Variants in RNF130 observed in about 807,000 individuals in gnomAD.
The protein encoded by RNF130 is ring finger protein 130, also known as E3 ubiquitin-protein ligase RNF130.
In RNF130, 21 loss-of-function variants were observed where a neutral mutation model predicts 44.6. The observed-to-expected ratio is 0.47, with a 90% CI of 0.33 to 0.68. The LOEUF (loss-of-function observed/expected upper bound fraction) is 0.68. RNF130 is among the 30% of genes least tolerant of loss of function. The pLI, the probability that RNF130 is intolerant of heterozygous loss-of-function variation, is 0.02. For missense variants in RNF130, 479 were observed against 560.6 expected (o/e 0.85, Z 1.47); for synonymous variants, 214 against 210.4 (o/e 1.02, Z -0.15).
intron 1 of RNF130, among the ~76,000 whole-genome samples, chr5:180,049,965 C>T (rs1764651512): frequency 6.6e-6 from 1 of 152,070 alleles, no homozygotes. Context: ...TAATCAGTAC[C>T]TCTATTCTCC....
chr5:179,988,847 G>A (rs182536158), intron 3 of RNF130, among the ~76,000 whole-genome samples: 383 of 152,310 alleles, frequency 2.5e-3, no homozygotes, highest in Non-Finnish European at 4.2e-3. Context: ...AGGAAAATGT[G>A]TATTCTGCAG....
chr5:180,056,914 A>G (rs1764837889), intron 1 of RNF130, among the ~76,000 whole-genome samples: 2 of 152,360 alleles, frequency 1.3e-5, no homozygotes, highest in South Asian at 4.1e-4. Context: ...ACTAGTCACA[A>G]GAAGGCATAC....
At chr5:179,998,449 T>A (rs1763251001) in intron 3 of RNF130, among the ~76,000 whole-genome samples, 1 of 152,176 alleles carries the variant, frequency 6.6e-6, no homozygotes, top group African/African-American at 2.4e-5. Context: ...ATCCTTTGTA[T>A]GATTTTAATT....
At chr5:180,008,008 T>TTA (rs397932692) in intron 3 of RNF130, among the ~76,000 whole-genome samples, 1 of 149,966 alleles carries the variant, frequency 6.7e-6, no homozygotes, top group Non-Finnish European at 1.5e-5. Flanking sequence ...TTTTTTTTTT[T>TTA]AACAGGTATA....
intron 6 of RNF130, among the ~76,000 whole-genome samples, chr5:179,967,249 T>A (rs74521660): frequency 2.6e-5 from 4 of 152,144 alleles, no homozygotes; most frequent in African/African-American, 7.2e-5. Context: ...CTAAAATTCA[T>A]TGCAGATCAG....
At chr5:179,949,061 G>C (rs1380074589) in intron 7 of RNF130, among the ~76,000 whole-genome samples, 1 of 151,516 alleles carries the variant, frequency 6.6e-6, no homozygotes, top group Non-Finnish European at 1.5e-5. Flanking sequence ...TGCCTCCCGG[G>C]TTCAAGGGAT....
chr5:180,016,112 T>C (rs1025032815), intron 2 of RNF130, among the ~76,000 whole-genome samples: 3 of 150,656 alleles, frequency 2.0e-5, no homozygotes, highest in African/African-American at 7.3e-5. Flanking sequence ...ACCCTGCCGA[T>C]CGGGCAGGAG....
chr5:179,999,376 T>C (rs1582176223), intron 3 of RNF130, among the ~76,000 whole-genome samples: 1 of 152,146 alleles, frequency 6.6e-6, no homozygotes, highest in African/African-American at 2.4e-5. Context: ...TCCCTTTGCA[T>C]GGAATATCTT....
At chr5:180,003,634 T>A (rs1763396914) in intron 3 of RNF130, among the ~76,000 whole-genome samples, 1 of 152,216 alleles carries the variant, frequency 6.6e-6, no homozygotes, top group Non-Finnish European at 1.5e-5. Context: ...GGTATAAGTG[T>A]CTATGTATGT....
intron 3 of RNF130, among the ~76,000 whole-genome samples, chr5:180,003,281 C>T (rs932268383): frequency 5.9e-5 from 9 of 151,972 alleles, no homozygotes; most frequent in Non-Finnish European, 1.2e-4. Context: ...CGTGTGAGAG[C>T]GCCTGCCATC....
chr5:179,929,049 G>A (rs1582124910), intron 7 of RNF130, among the ~76,000 whole-genome samples: 1 of 152,128 alleles, frequency 6.6e-6, no homozygotes, highest in African/African-American at 2.4e-5. Context: ...CCTATCTGAA[G>A]GTTTTGATGA....
chr5:180,069,463 T>C (rs1765195377), intron 1 of RNF130, among the ~76,000 whole-genome samples: 1 of 146,506 alleles, frequency 6.8e-6, no homozygotes, highest in African/African-American at 2.5e-5. Context: ...GGACACAGAA[T>C]GACCCCTAGG....
At chr5:180,051,927 C>T (rs1764695782) in intron 1 of RNF130, among the ~76,000 whole-genome samples, 1 of 152,184 alleles carries the variant, frequency 6.6e-6, no homozygotes, top group Non-Finnish European at 1.5e-5. Context: ...AAAATTAGAG[C>T]TTGGTCCTCA....
chr5:179,951,175 G>T (rs1217777284), downstream of RNF130, among the ~76,000 whole-genome samples: 1 of 152,092 alleles, frequency 6.6e-6, no homozygotes, highest in East Asian at 1.9e-4. Context: ...AACCCCGTAT[G>T]CACCTAACAA....
chr5:179,948,833 T>TG (rs1054061003), intron 7 of RNF130, among the ~76,000 whole-genome samples: 15 of 152,294 alleles, frequency 9.8e-5, no homozygotes, highest in Non-Finnish European at 2.1e-4. Flanking sequence ...TGTGATTTAA[T>TG]GGACTTATCA....
At chr5:179,971,762 C>A (rs1049264679) in intron 5 of RNF130, among the ~76,000 whole-genome samples, 11 of 152,200 alleles carry the variant, frequency 7.2e-5, no homozygotes, top group Non-Finnish European at 1.6e-4. Context: ...ATGTTATTTA[C>A]AGCTGTTTAA....
At chr5:180,022,867 G>T (rs986713920) in intron 2 of RNF130, among the ~76,000 whole-genome samples, 1 of 152,136 alleles carries the variant, frequency 6.6e-6, no homozygotes, top group Non-Finnish European at 1.5e-5. Flanking sequence ...TTTGATAAAA[G>T]AATTTTAAAT....
intron 2 of RNF130, among the ~76,000 whole-genome samples, chr5:180,016,090 C>G (rs1365561734): frequency 6.6e-6 from 1 of 152,152 alleles, no homozygotes; most frequent in Admixed American, 6.5e-5. Flanking sequence ...AAGAGCCGGG[C>G]AGAGGAGCCC....
chr5:179,927,586 C>CT (rs5873673), intron 7 of RNF130, among the ~76,000 whole-genome samples: 2,566 of 112,158 alleles, frequency 0.023, 63 homozygotes, highest in Middle Eastern at 0.037. Context: ...TTAGCTTTGT[C>CT]TTTTTTTTTT....
Sources: gnomAD v4.1 joint callset for allele counts (sites outside exome capture counted in the v4.1 genomes callset) on GRCh38, gnomAD v4.1.1 for gene constraint, MANE v1.5 for transcripts, NCBI Gene and HGNC (gene_info 2026-07-23, HGNC 2026-07-21) for gene names.